Variants in CHST11 observed in about 807,000 individuals in gnomAD.
The protein encoded by CHST11 is C4S-1.
In CHST11, 9 loss-of-function variants were observed where a neutral mutation model predicts 30.4. The ratio of observed to expected loss-of-function variants is 0.30; its 90% CI spans 0.18 to 0.52. The LOEUF (loss-of-function observed/expected upper bound fraction) is 0.52, where lower values mean the gene tolerates loss of function less well. Ranked by LOEUF, CHST11 falls within the 20% of genes least tolerant of loss-of-function variation. The pLI is 0.97. For missense variants in CHST11, 348 were observed against 460.6 expected (o/e 0.76, Z 2.24); for synonymous variants, 152 against 187.8 (o/e 0.81, Z 1.56).
intron 2 of CHST11, among the ~76,000 whole-genome samples, chr12:104,636,579 GTTTA>G (rs1566017501): frequency 2.0e-5 from 3 of 152,130 alleles, no homozygotes; most frequent in South Asian, 2.1e-4. Flanking sequence ...TTTTTGTGCC[GTTTA>G]TTTATTTATC....
chr12:104,703,096 G>C (rs1362799921), intron 2 of CHST11, among the ~76,000 whole-genome samples: 1 of 152,208 alleles, frequency 6.6e-6, no homozygotes, highest in African/African-American at 2.4e-5. Flanking sequence ...CTGCGTGCCT[G>C]CTGGCTCATG....
chr12:104,635,984 G>T (rs540217841), intron 2 of CHST11, among the ~76,000 whole-genome samples: 2 of 152,338 alleles, frequency 1.3e-5, no homozygotes, highest in African/African-American at 4.8e-5. Context: ...GCTGGATGCA[G>T]TACAATTTAA....
At chr12:104,486,265 T>G (rs888644593) in intron 1 of CHST11, among the ~76,000 whole-genome samples, 17 of 152,048 alleles carry the variant, frequency 1.1e-4, no homozygotes, top group Non-Finnish European at 4.4e-5. Context: ...CCTGCTTCAC[T>G]TCACATCCAT....
intron 2 of CHST11, among the ~76,000 whole-genome samples, chr12:104,604,644 C>T (rs1258321285): frequency 1.3e-5 from 2 of 152,182 alleles, no homozygotes; most frequent in Non-Finnish European, 2.9e-5. Flanking sequence ...TTGTATTTCC[C>T]TACCAGCCAA....
At chr12:104,504,018 C>T (rs571251250) in intron 1 of CHST11, among the ~76,000 whole-genome samples, 11 of 152,316 alleles carry the variant, frequency 7.2e-5, no homozygotes, top group South Asian at 2.1e-4. Context: ...AAAAGTTGGA[C>T]GCACCCAGTC....
chr12:104,521,085 A>G (rs12306787), intron 1 of CHST11, among the ~76,000 whole-genome samples: 3,545 of 152,304 alleles, frequency 0.023, 157 homozygotes, highest in African/African-American at 0.081. Flanking sequence ...TGATCTCAGT[A>G]TCCTGTCTCC....
intron 1 of CHST11, among the ~76,000 whole-genome samples, chr12:104,596,391 A>G (rs181045596): frequency 3.3e-5 from 5 of 152,354 alleles, no homozygotes; most frequent in Admixed American, 2.6e-4. Flanking sequence ...TGCCAGCGGA[A>G]GGAGCAGAGA....
At chr12:104,726,761 C>T (rs942538832) in intron 2 of CHST11, among the ~76,000 whole-genome samples, 3 of 152,120 alleles carry the variant, frequency 2.0e-5, no homozygotes, top group African/African-American at 7.2e-5. Flanking sequence ...AAAATATCCC[C>T]GACATACACA....
At chr12:104,583,656 T>C (rs1299570966) in intron 1 of CHST11, among the ~76,000 whole-genome samples, 1 of 152,212 alleles carries the variant, frequency 6.6e-6, no homozygotes, top group African/African-American at 2.4e-5. Flanking sequence ...TTAAGCATCC[T>C]ATATTCCTAA....
chr12:104,692,868 C>G (rs563105929), intron 2 of CHST11, among the ~76,000 whole-genome samples: 1 of 149,426 alleles, frequency 6.7e-6, no homozygotes, highest in African/African-American at 2.5e-5. Context: ...CCCCTCCCAC[C>G]CCCATCCATT....
At chr12:104,526,587 AG>A (rs1171431860) in intron 1 of CHST11, among the ~76,000 whole-genome samples, 1 of 152,048 alleles carries the variant, frequency 6.6e-6, no homozygotes, top group Non-Finnish European at 1.5e-5. Flanking sequence ...TGCTTGTTAG[AG>A]GGGGCTTGAT....
At chr12:104,633,412 C>CTTTTTTT (rs34686417) in intron 2 of CHST11, among the ~76,000 whole-genome samples, 11 of 111,882 alleles carry the variant, frequency 9.8e-5, no homozygotes, top group East Asian at 2.7e-4. Context: ...CTCCCTCTGT[C>CTTTTTTT]TTTTTTTTTT....
chr12:104,560,105 G>C lies in CHST11; in HGVS notation c.119-41801G>C, dbSNP rs367556325. ...AAGGCTCAGAGTTGGGGATGAGCTA[G>C]GCATGTTAGAGGAATGATGAGGCTG... On this transcript the variant is annotated intron_variant, in intron 1 of 2. Transcript: ENST00000303694. 5.3e-4 allele frequency among the ~76,000 whole-genome samples: 81 copies of C among 152,264 alleles called. 1 individual carries two copies. In the South Asian group the frequency reaches 0.016, roughly 31 times the overall value.
intron 2 of CHST11, among the ~76,000 whole-genome samples, chr12:104,684,704 T>G (rs2039830601): frequency 6.6e-6 from 1 of 152,126 alleles, no homozygotes; most frequent in African/African-American, 2.4e-5. Context: ...TGCACTACCA[T>G]GCCTGGCTAA....
At chr12:104,529,160 C>G (rs2038156954) in intron 1 of CHST11, among the ~76,000 whole-genome samples, 1 of 152,190 alleles carries the variant, frequency 6.6e-6, no homozygotes, top group Non-Finnish European at 1.5e-5. Flanking sequence ...AAATTGAGCA[C>G]CTGGAGACCA....
At chr12:104,748,187 C>T (rs181296015) in intron 2 of CHST11, among the ~76,000 whole-genome samples, 3 of 152,184 alleles carry the variant, frequency 2.0e-5, no homozygotes, top group East Asian at 1.9e-4. Context: ...AGGAGTCTGT[C>T]GGCAGCAGAT....
intron 2 of CHST11, among the ~76,000 whole-genome samples, chr12:104,606,340 G>C (rs2039005315): frequency 2.0e-5 from 3 of 152,008 alleles, no homozygotes; most frequent in Non-Finnish European, 4.4e-5. Flanking sequence ...GGAGGAGGAT[G>C]AGGAGGGAGA....
At chr12:104,550,154 G>A (rs1301000078) in intron 1 of CHST11, among the ~76,000 whole-genome samples, 1 of 152,200 alleles carries the variant, frequency 6.6e-6, no homozygotes, top group Non-Finnish European at 1.5e-5. Flanking sequence ...GGAGGCGACC[G>A]TTCTTTTTAG....
At chr12:104,584,835 G>A (rs2038785961) in intron 1 of CHST11, among the ~76,000 whole-genome samples, 1 of 152,104 alleles carries the variant, frequency 6.6e-6, no homozygotes, top group African/African-American at 2.4e-5. Flanking sequence ...AAACATCTTT[G>A]CGCGTCCATC....
Sources: allele counts gnomAD v4.1 joint callset (sites outside exome capture counted in the v4.1 genomes callset), GRCh38; gene constraint gnomAD v4.1.1; transcripts MANE v1.5; gene names NCBI Gene and HGNC (gene_info 2026-07-23, HGNC 2026-07-21).